The following EYA4 variants were observed in gnomAD, a reference collection of about 807,000 sequenced individuals.
The protein encoded by EYA4 is protein phosphatase EYA4.
In EYA4, 31 loss-of-function variants were observed where a neutral mutation model predicts 87.9. The ratio of observed to expected loss-of-function variants is 0.35; its 90% CI spans 0.27 to 0.48. The LOEUF (loss-of-function observed/expected upper bound fraction) is 0.48. EYA4 is among the 20% of genes least tolerant of loss of function. EYA4 has a pLI of 0.99. For missense variants in EYA4, 678 were observed against 761.4 expected (o/e 0.89, Z 1.29); for synonymous variants, 263 against 270.6 (o/e 0.97, Z 0.28).
chr6:133,429,635 G>C (rs1356364902), intron 3 of EYA4, among the ~76,000 whole-genome samples: 1 of 152,018 alleles, frequency 6.6e-6, no homozygotes. Flanking sequence ...TGAGAATCAG[G>C]GGTTTCTTTT....
intron 2 of EYA4, among the ~76,000 whole-genome samples, chr6:133,314,447 C>T (rs146295755): frequency 0.014 from 2,116 of 152,218 alleles, 21 homozygotes; most frequent in Middle Eastern, 0.027. Flanking sequence ...TTAGATTAGT[C>T]ATGAATGTCT....
At chr6:133,458,822 G>C (rs925832992) in intron 6 of EYA4, among the ~76,000 whole-genome samples, 1 of 152,062 alleles carries the variant, frequency 6.6e-6, no homozygotes, top group South Asian at 2.1e-4. Flanking sequence ...CACCATCAGA[G>C]AAACTGACAA....
intron 2 of EYA4, among the ~76,000 whole-genome samples, chr6:133,326,282 T>C (rs553555187): frequency 1.3e-5 from 2 of 152,276 alleles, no homozygotes; most frequent in South Asian, 2.1e-4. Flanking sequence ...GGGAGATAGA[T>C]AGATAGTTTG....
At chr6:133,365,575 C>A (rs1784797596) in intron 2 of EYA4, among the ~76,000 whole-genome samples, 1 of 151,926 alleles carries the variant, frequency 6.6e-6, no homozygotes, top group African/African-American at 2.4e-5. Flanking sequence ...TGGGGAAGCA[C>A]TGGGTTTGGT....
At chr6:133,388,221 A>T (rs998100750) in intron 3 of EYA4, among the ~76,000 whole-genome samples, 1 of 149,594 alleles carries the variant, frequency 6.7e-6, no homozygotes, top group Non-Finnish European at 1.5e-5. Context: ...AGCCTGGCCA[A>T]CATGGTGAGA....
intron 2 of EYA4, among the ~76,000 whole-genome samples, chr6:133,341,883 C>T (rs439123): frequency 0.36 from 54,989 of 151,954 alleles, 10,119 homozygotes; most frequent in Middle Eastern, 0.45. Flanking sequence ...CAGCAGTCTC[C>T]CCAAGTGACT....
chr6:133,476,845 T>A (rs189478359), intron 11 of EYA4, among the ~76,000 whole-genome samples: 3 of 152,208 alleles, frequency 2.0e-5, no homozygotes, highest in Non-Finnish European at 4.4e-5. Flanking sequence ...CTGATATGGT[T>A]TGGTGGTGTC....
chr6:133,523,300 A>T, intron 18 of EYA4, 123 bp downstream of exon 18: 1 of 993,632 alleles, frequency 1.0e-6, no homozygotes, highest in East Asian at 2.4e-5. Flanking sequence ...CAAATTACAA[A>T]GTCCCCTACA....
chr6:133,510,112 G>A (rs917369720), intron 14 of EYA4, among the ~76,000 whole-genome samples: 1 of 152,150 alleles, frequency 6.6e-6, no homozygotes, highest in African/African-American at 2.4e-5. Flanking sequence ...GTCCTCAGGA[G>A]TAAAAGATAA....
intron 2 of EYA4, among the ~76,000 whole-genome samples, chr6:133,290,345 A>C (rs537336555): frequency 1.6e-4 from 25 of 152,292 alleles, no homozygotes; most frequent in Non-Finnish European, 3.4e-4. Flanking sequence ...TTCATCAAAA[A>C]AGTTTGAAAT....
intron 3 of EYA4, among the ~76,000 whole-genome samples, chr6:133,433,715 T>C (rs1791391221): frequency 6.6e-6 from 1 of 152,160 alleles, no homozygotes; most frequent in Admixed American, 6.5e-5. Flanking sequence ...AGATAGGAAC[T>C]TCACTGGGAA....
At chr6:133,277,560 GT>G (rs942770458) in intron 2 of EYA4, among the ~76,000 whole-genome samples, 1 of 152,176 alleles carries the variant, frequency 6.6e-6, no homozygotes, top group Non-Finnish European at 1.5e-5. Flanking sequence ...TTCAATAAAT[GT>G]TAGCTGCTAT....
chr6:133,254,590 A>AT (rs1775189137), intron 1 of EYA4, among the ~76,000 whole-genome samples: 1 of 152,212 alleles, frequency 6.6e-6, no homozygotes, highest in African/African-American at 2.4e-5. Flanking sequence ...ATAACATTAA[A>AT]TTAAGATTAT....
At chr6:133,488,995 C>T (rs929096602) in intron 13 of EYA4, among the ~76,000 whole-genome samples, 2 of 151,972 alleles carry the variant, frequency 1.3e-5, no homozygotes, top group African/African-American at 2.4e-5. Context: ...TTTGAGGAAT[C>T]GCAACAAAAT....
intron 14 of EYA4, among the ~76,000 whole-genome samples, chr6:133,511,479 TTTTA>T (rs1799132308): frequency 6.6e-6 from 1 of 151,292 alleles, no homozygotes; most frequent in African/African-American, 2.4e-5. Context: ...AATAATTTAT[TTTTA>T]TTTATTATAT....
intron 9 of EYA4, 61 bp downstream of exon 9, chr6:133,462,825 G>T: frequency 6.9e-7 from 1 of 1,458,290 alleles, no homozygotes; most frequent in Non-Finnish European, 9.6e-7. Flanking sequence ...AGACTCATTG[G>T]CTTCAGACTA....
At chr6:133,487,704 G>T (rs2128721328) in intron 13 of EYA4, among the ~76,000 whole-genome samples, 1 of 152,196 alleles carries the variant, frequency 6.6e-6, no homozygotes, top group South Asian at 2.1e-4. Context: ...CATCACTCTT[G>T]GGCCCTGAAT....
At chr6:133,528,123 C>T (rs2128825573) in intron 19 of EYA4, among the ~76,000 whole-genome samples, 1 of 152,290 alleles carries the variant, frequency 6.6e-6, no homozygotes, top group East Asian at 1.9e-4. Flanking sequence ...AGTACTTTCT[C>T]TCAATTCTAC....
intron 2 of EYA4, among the ~76,000 whole-genome samples, chr6:133,316,468 T>C (rs1192947174): frequency 6.6e-6 from 1 of 152,204 alleles, no homozygotes; most frequent in Non-Finnish European, 1.5e-5. Context: ...TGAAGTTGTC[T>C]TTTTGTAGCT....
Sources: allele counts gnomAD v4.1 joint callset (sites outside exome capture counted in the v4.1 genomes callset), GRCh38; gene constraint gnomAD v4.1.1; transcripts MANE v1.5; gene names NCBI Gene and HGNC (gene_info 2026-07-23, HGNC 2026-07-21).